The following MED15 variants were observed in gnomAD, a reference collection of about 807,000 sequenced individuals.
The protein encoded by MED15 is mediator complex subunit 15, also known as mediator of RNA polymerase II transcription subunit 15.
A neutral mutation model predicts 118.7 loss-of-function variants in MED15; 41 were observed. The observed-to-expected ratio is 0.35, with a 90% confidence interval of 0.27 to 0.45. The LOEUF (loss-of-function observed/expected upper bound fraction) is 0.45. Ranked by LOEUF, MED15 falls within the 20% of genes least tolerant of loss-of-function variation. The pLI is 1.00. For missense variants in MED15, 740 were observed against 1,025.5 expected (o/e 0.72, Z 3.80); for synonymous variants, 436 against 413.9 (o/e 1.05, Z -0.65).
At chr22:20,534,232 T>C (rs1040923886) in intron 1 of MED15, among the ~76,000 whole-genome samples, 1 of 152,044 alleles carries the variant, frequency 6.6e-6, no homozygotes, top group African/African-American at 2.4e-5. Context: ...CCCTGCTGTT[T>C]CTACTGCTCT....
At chr22:20,543,170 T>A in intron 2 of MED15, among the ~76,000 whole-genome samples, 1 of 150,754 alleles carries the variant, frequency 6.6e-6, no homozygotes. Flanking sequence ...AAATTCTTTT[T>A]ATTGTACCCT....
At chr22:20,556,789 G>T (rs541250684) in intron 5 of MED15, among the ~76,000 whole-genome samples, 1 of 152,284 alleles carries the variant, frequency 6.6e-6, no homozygotes, top group East Asian at 1.9e-4. Flanking sequence ...CTTAAGCAGT[G>T]ACAATTGCTG....
Position 20,540,508 on chromosome 22 carries a change from A to G in MED15, c.156+3304A>G, listed in dbSNP as rs74458048. ...AGGGTCACTTGATCCCAGGAGTTTGAGATTACAGTAAGCTATGATTGTACC... is the reference window on the plus strand; with the variant it reads ...AGGGTCACTTGATCCCAGGAGTTTGGGATTACAGTAAGCTATGATTGTACC... On this transcript the variant is annotated intron_variant, in intron 2 of 17. Transcript: ENST00000263205. Among the ~76,000 whole-genome samples the G allele has an allele frequency of 6.6e-3, 1,004 of 152,272 alleles. 12 individuals carry two copies. The highest frequency in any genetic ancestry group is 0.022 in the African/African-American group (930 of 41,538).
intron 9 of MED15, among the ~76,000 whole-genome samples, chr22:20,578,503 G>A (rs1007369166): frequency 1.6e-4 from 24 of 152,210 alleles, no homozygotes; most frequent in African/African-American, 5.5e-4. Context: ...GGCATGCTGG[G>A]CCCCGTGTAC....
At position 20,515,528 on chromosome 22, in the gene MED15, G is replaced by A. The variant is rs546593499; in HGVS notation, c.68+7782G>A. 3.9e-5 allele frequency among the ~76,000 whole-genome samples: 6 copies of A among 152,176 alleles called. No individual in the cohort carries two copies. The East Asian group carries it at 7.7e-4, about 20-fold the overall frequency. On this transcript the variant is annotated intron_variant, in intron 1 of 17. Coordinates refer to ENST00000263205, the MANE Select transcript of MED15 (RefSeq NM_001003891.3). ...ACGAAGGCTGGGCGTAGTGGCTCAC[G>A]CCTATAATCCTAGCACTTTGGGAGG...
chr22:20,585,846 C>G lies in MED15; in HGVS notation c.2230+20C>G. On this transcript the variant is annotated intron_variant, in intron 17 of 17. Transcript: ENST00000263205. The stretch of plus-strand genomic sequence containing the variant: ...AGTACGGTAGGTAGACCCAGAGGAG[C>G]TGTCTGGGGACCCAGGGCAAGCAGG... 2 of 1,608,322 alleles carry G rather than the reference C, an allele frequency of 1.2e-6. No homozygotes were observed. Among genetic ancestry groups the G allele is most frequent in the South Asian group, 1.1e-5 (1 of 90,962 alleles).
chr22:20,563,748 A>G (rs1373592649), intron 5 of MED15, among the ~76,000 whole-genome samples: 1 of 152,244 alleles, frequency 6.6e-6, no homozygotes, highest in Non-Finnish European at 1.5e-5. Context: ...ATATTTCTTT[A>G]ATACAGCTTT....
chr22:20,539,851 T>G (rs2055224350), intron 2 of MED15, among the ~76,000 whole-genome samples: 1 of 152,226 alleles, frequency 6.6e-6, no homozygotes, highest in Admixed American at 6.5e-5. Context: ...CATGTGCTTT[T>G]TGGCCATTTG....
intron 5 of MED15, among the ~76,000 whole-genome samples, chr22:20,559,475 G>A (rs1417348722): frequency 2.6e-5 from 4 of 152,126 alleles, no homozygotes; most frequent in Admixed American, 2.6e-4. Flanking sequence ...GCCCCGGAAG[G>A]ATCAAATGGA....
chr22:20,528,432 C>A, intron 1 of MED15, among the ~76,000 whole-genome samples: 1 of 152,052 alleles, frequency 6.6e-6, no homozygotes, highest in East Asian at 1.9e-4. Context: ...GAGCATGCGA[C>A]CTGGATCCCT....
At chr22:20,566,030 C>CTTTTTT (rs555771579) in intron 6 of MED15, among the ~76,000 whole-genome samples, 1 of 119,600 alleles carries the variant, frequency 8.4e-6, no homozygotes, top group East Asian at 2.7e-4. Flanking sequence ...CCAGGAAGGC[C>CTTTTTT]TTTTTTTTTT....
At chr22:20,524,819 G>T (rs1168790441) in intron 1 of MED15, among the ~76,000 whole-genome samples, 1 of 152,002 alleles carries the variant, frequency 6.6e-6, no homozygotes. Flanking sequence ...ACGGGATTTA[G>T]TAGAGACGGG....
Position 20,583,217 on chromosome 22 carries a change from C to T in MED15, c.1642C>T (p.Arg548Cys). 1 of 1,612,122 alleles carries T rather than the reference C, an allele frequency of 6.2e-7. No homozygotes were observed. Among genetic ancestry groups the T allele is most frequent in the Non-Finnish European group, 8.5e-7 (1 of 1,179,022 alleles). ...GTCGAAGTACATCGAGCCCCTGCGC[C>T]GCATGATCAACAAGATCGACAAGAA... Reference protein sequence around the residue: ...QLSKYIEPLRRMINKIDKNED... With the variant: ...QLSKYIEPLRCMINKIDKNED... The change falls in exon 12 of 18, where the codon CGC (arginine) becomes TGC (cysteine). Residue 548 changes from arginine to cysteine, a missense_variant. This residue lies in a region of MED15 where 384 missense variants were observed against 506.3 expected (regional missense o/e 0.76). Coordinates refer to ENST00000263205, the MANE Select transcript of MED15 (RefSeq NM_001003891.3).
At chr22:20,559,853 A>G (rs184477821) in intron 5 of MED15, among the ~76,000 whole-genome samples, 6 of 152,368 alleles carry the variant, frequency 3.9e-5, no homozygotes, top group African/African-American at 1.2e-4. Flanking sequence ...ACTCTTAGAT[A>G]TATTCTTTTG....
chr22:20,527,984 C>T (rs986781772), intron 1 of MED15, among the ~76,000 whole-genome samples: 1 of 151,696 alleles, frequency 6.6e-6, no homozygotes, highest in Admixed American at 6.6e-5. Context: ...AAATCAAACT[C>T]CTGACCTCAA....
intron 4 of MED15, 188 bp from the exon 5 acceptor site, chr22:20,554,748 A>G (rs2055921949): frequency 1.7e-6 from 1 of 590,480 alleles, no homozygotes; most frequent in Non-Finnish European, 3.0e-6. Context: ...TGCAGTGACC[A>G]ACACACCTGG....
At chr22:20,558,461 C>G (rs566348433) in intron 5 of MED15, among the ~76,000 whole-genome samples, 2 of 152,184 alleles carry the variant, frequency 1.3e-5, no homozygotes, top group Non-Finnish European at 2.9e-5. Context: ...GGCTGCAGTA[C>G]AGAGTTGGAA....
intron 1 of MED15, among the ~76,000 whole-genome samples, chr22:20,511,075 G>A (rs1028869344): frequency 6.6e-6 from 1 of 152,052 alleles, no homozygotes; most frequent in Non-Finnish European, 1.5e-5. Context: ...TGTGCTCATA[G>A]GGTTAAAAAA....
At chr22:20,518,079 C>T (rs1412306902) in intron 1 of MED15, among the ~76,000 whole-genome samples, 1 of 152,224 alleles carries the variant, frequency 6.6e-6, no homozygotes, top group African/African-American at 2.4e-5. Flanking sequence ...TTGACATTGA[C>T]GTGAGGGACT....
Sources: allele counts gnomAD v4.1 joint callset (sites outside exome capture counted in the v4.1 genomes callset), GRCh38; gene constraint gnomAD v4.1.1; regional missense constraint gnomAD v4.1.1; transcripts MANE v1.5; gene names NCBI Gene and HGNC (gene_info 2026-07-23, HGNC 2026-07-21).